Variants in FAM222B observed in about 807,000 individuals in gnomAD.
FAM222B encodes protein FAM222B.
A neutral mutation model predicts 38.0 loss-of-function variants in FAM222B; 12 were observed. The observed-to-expected ratio is 0.32, with a 90% CI of 0.20 to 0.51. The LOEUF (loss-of-function observed/expected upper bound fraction) is 0.51, where lower values mean the gene tolerates loss of function less well. FAM222B is among the 20% of genes least tolerant of loss of function. FAM222B has a pLI of 0.97. For synonymous variants in FAM222B, 329 were observed against 317.2 expected (o/e 1.04, Z -0.40); for missense variants, 716 against 754.2 (o/e 0.95, Z 0.59).
intron 1 of FAM222B, among the ~76,000 whole-genome samples, chr17:28,787,258 C>A (rs1404577705): frequency 1.3e-5 from 2 of 152,086 alleles, no homozygotes; most frequent in African/African-American, 4.8e-5. Flanking sequence ...TTATCTAGGG[C>A]TAGTTTCCCA....
Position 28,759,311 on chromosome 17 carries a change from G to A in FAM222B, c.648C>T (p.His216=). 6.2e-7 allele frequency: 1 copy of A among 1,611,800 alleles called. No individual in the cohort carries two copies. The highest frequency in any genetic ancestry group is 1.1e-5 in the South Asian group (1 of 90,666). ...GATTGTGGGGGTGCTGGAGACCCTGGTGAGCCAGGGCCTGAGGGTGGACCA... is the reference window on the plus strand; with the variant it reads ...GATTGTGGGGGTGCTGGAGACCCTGATGAGCCAGGGCCTGAGGGTGGACCA... The part of the protein sequence containing the change: ...QGLVHPQALA[H]QGLQHPHNPL... Residue 216 remains histidine, a synonymous_variant, in exon 3 of 3, where the codon CAC becomes CAT. Coordinates refer to ENST00000581407, the MANE Select transcript of FAM222B (RefSeq NM_001077498.3). This position sits in a 1 kb window ranked among gnomAD's most constrained non-coding sequence, Gnocchi z 4.8.
intron 1 of FAM222B, among the ~76,000 whole-genome samples, chr17:28,771,434 C>G (rs2035627208): frequency 6.6e-6 from 1 of 152,180 alleles, no homozygotes; most frequent in Non-Finnish European, 1.5e-5. Context: ...GTAATCCCAG[C>G]ACTTTGGGAG....
At chr17:28,787,192 G>A (rs1007025968) in intron 1 of FAM222B, among the ~76,000 whole-genome samples, 2 of 152,064 alleles carry the variant, frequency 1.3e-5, no homozygotes, top group Non-Finnish European at 2.9e-5. Flanking sequence ...CCAAAGTGCT[G>A]GGATTACAGG....
chr17:28,823,875 A>ATTTTT (rs367743538), intron 1 of FAM222B, among the ~76,000 whole-genome samples: 2 of 134,074 alleles, frequency 1.5e-5, no homozygotes, highest in East Asian at 2.2e-4. Context: ...CCAAAAGAGA[A>ATTTTT]TTTTTTTTTT....
chr17:28,774,637 T>C lies in FAM222B; in HGVS notation c.-40-7930A>G, dbSNP rs144679873. 3.1e-3 allele frequency among the ~76,000 whole-genome samples: 478 copies of C among 152,300 alleles called. 2 individuals carry two copies. Among genetic ancestry groups the C allele is most frequent in the Middle Eastern group, 6.8e-3 (2 of 294 alleles). On this transcript the variant is annotated intron_variant, in intron 1 of 2. Coordinates refer to ENST00000581407, the MANE Select transcript of FAM222B (RefSeq NM_001077498.3). ...ACCAGAAGAGGTTTTATTAGAGTTC[T>C]GATGTCACACTCTCTGCTTTCCTGG...
rs1241459940 is a variant in FAM222B, at chr17:28,758,719, G to A, written c.1240C>T (p.Leu414Phe). 5 of 1,588,888 alleles carry A rather than the reference G, an allele frequency of 3.1e-6. No individual in the cohort carries two copies. The highest frequency in any genetic ancestry group is 4.3e-6 in the Non-Finnish European group (5 of 1,165,584). ...VGKAPAYPQELCLAQSFHLKP... is the reference protein window; with the variant it reads ...VGKAPAYPQEFCLAQSFHLKP... ...AGATGGAAGGACTGCGCCAGGCAGA[G>A]TTCCTGCGGGTAGGCAGGGGCCTTG... The change falls in exon 3 of 3, where the codon CTC becomes TTC. Residue 414 changes from leucine to phenylalanine, a missense_variant. Coordinates refer to ENST00000581407, the MANE Select transcript of FAM222B (RefSeq NM_001077498.3).
Position 28,758,653 on chromosome 17 carries a change from T to C in FAM222B, c.1306A>G (p.Asn436Asp), listed in dbSNP as rs1339163316. The C allele has an allele frequency of 6.2e-7, 1 of 1,610,322 alleles. No individual in the cohort carries two copies. The highest frequency in any genetic ancestry group is 8.5e-7 in the Non-Finnish European group (1 of 1,178,154). ...LEKPTPSPPV[N>D]GMAAPLAYPN... ...TAGGCCAATGGGGCTGCCATGCCGTTGACTGGTGGGGATGGGGTCGGCTTT... is the reference window on the plus strand; with the variant it reads ...TAGGCCAATGGGGCTGCCATGCCGTCGACTGGTGGGGATGGGGTCGGCTTT... Residue 436 changes from asparagine (N) to aspartate (D), a missense_variant, in exon 3 of 3, where the codon AAC becomes GAC. Transcript: ENST00000581407.
chr17:28,822,729 G>A (rs12603632), intron 1 of FAM222B, among the ~76,000 whole-genome samples: 59,371 of 141,118 alleles, frequency 0.42, 15,216 homozygotes, highest in East Asian at 0.59. Context: ...TTAAAACCCA[G>A]GAGGTGGAGA....
intron 1 of FAM222B, chr17:28,849,735 A>G (rs1313495304): frequency 6.6e-6 from 1 of 151,466 alleles, no homozygotes. Flanking sequence ...TCAAGCTACC[A>G]CTCTCTCCTC....
At chr17:28,801,317 G>A (rs1177973541) in intron 1 of FAM222B, among the ~76,000 whole-genome samples, 1 of 151,680 alleles carries the variant, frequency 6.6e-6, no homozygotes, top group Non-Finnish European at 1.5e-5. Context: ...GCCGGGCGAT[G>A]TGGCGGGCGC....
Position 28,785,934 on chromosome 17 carries a change from T to C in FAM222B, c.-40-19227A>G, listed in dbSNP as rs528883481. ...CATGTTAGCCAGGATGGTCTCGATC[T>C]CCTCTCCGCCTGCCTTGGCCTCCCA... On this transcript the variant is annotated intron_variant, in intron 1 of 2. Coordinates refer to ENST00000581407, the MANE Select transcript of FAM222B (RefSeq NM_001077498.3). Among the ~76,000 whole-genome samples the C allele has an allele frequency of 1.2e-4, 18 of 152,148 alleles. No homozygotes were observed. In the East Asian group the frequency reaches 3.5e-3, roughly 29 times the overall value.
In FAM222B at chr17:28,823,362, A is replaced by ATTT. The variant is rs35057595; in HGVS notation, c.-41+19317_-41+19319dup. Among the ~76,000 whole-genome samples, 233 of 139,676 alleles carry ATTT rather than the reference A, an allele frequency of 1.7e-3. 2 individuals carry two copies. Among genetic ancestry groups the ATTT allele is most frequent in the Middle Eastern group, 3.8e-3 (1 of 266 alleles). 91.6% of individuals were successfully genotyped at this position (139,676 alleles called of 152,430 possible). On this transcript the variant is annotated intron_variant, in intron 1 of 2. Transcript: ENST00000581407. ...TCAACAGAGCTCACCACTCCGTTCT[A>ATTT]TTTTTTTTTTTTTTTTGAGAAAGTG...
chr17:28,759,510 T>C lies in FAM222B; in HGVS notation c.449A>G (p.Gln150Arg). Reference protein sequence around the residue: ...APSTLAHPQAQALARQQALQH... With the variant: ...APSTLAHPQARALARQQALQH... The stretch of plus-strand genomic sequence containing the variant: ...CAGGGCCTGCTGGCGGGCCAGAGCC[T>C]GGGCCTGGGGGTGGGCTAAAGTGCT... The change falls in exon 3 of 3, where the codon CAG becomes CGG. Residue 150 changes from glutamine (Q) to arginine (R), a missense_variant. Physicochemically the swap from Gln to Arg is conservative, Grantham distance 43. Transcript: ENST00000581407. The surrounding 1 kb of genome is among the most constrained non-coding windows in gnomAD (Gnocchi z 4.8). 7.1e-7 allele frequency: 1 copy of C among 1,400,690 alleles called. No homozygotes were observed. Among genetic ancestry groups the C allele is most frequent in the Non-Finnish European group, 9.4e-7 (1 of 1,058,866 alleles). The allele number at this position is 1,400,690 out of a possible 1,614,324, so 86.8% of individuals were successfully genotyped here. A position where few individuals can be genotyped will look rare whatever the true frequency, so the allele number is the denominator to read the frequency against.
rs751588807 is a variant in FAM222B at position 28,757,622 on chromosome 17, A to T, written c.*648T>A. On this transcript the variant is annotated 3_prime_UTR_variant, in exon 3 of 3. Transcript: ENST00000581407. ...GCCAATACAAAGACTTTTTCCCCCC[A>T]TATCTCAAGAAATGGTCAAATACTT... is the stretch of plus-strand genomic sequence containing the variant. 6.6e-6 allele frequency: 1 copy of T among 152,168 alleles called. No individual in the cohort carries two copies. Among genetic ancestry groups the T allele is most frequent in the Non-Finnish European group, 1.5e-5 (1 of 68,032 alleles). 9.4% of individuals were successfully genotyped at this position (152,168 alleles called of 1,614,324 possible).
At chr17:28,822,887 A>G (rs1363418028) in intron 1 of FAM222B, among the ~76,000 whole-genome samples, 1 of 135,534 alleles carries the variant, frequency 7.4e-6, no homozygotes, top group African/African-American at 2.8e-5. Context: ...ATATATACAC[A>G]CACACATATA....
At chr17:28,793,911 A>G (rs760958838) in intron 1 of FAM222B, among the ~76,000 whole-genome samples, 4 of 151,844 alleles carry the variant, frequency 2.6e-5, no homozygotes, top group Non-Finnish European at 5.9e-5. Context: ...ACGCCAGGCT[A>G]ATTTTTTTTG....
intron 1 of FAM222B, among the ~76,000 whole-genome samples, chr17:28,838,914 A>T (rs1369395304): frequency 6.6e-6 from 1 of 151,866 alleles, no homozygotes; most frequent in Non-Finnish European, 1.5e-5. Context: ...ATCAAAAAAA[A>T]TAAAATAAGG....
intron 2 of FAM222B, among the ~76,000 whole-genome samples, chr17:28,764,397 G>C (rs975713661): frequency 6.6e-6 from 1 of 150,666 alleles, no homozygotes; most frequent in Non-Finnish European, 1.5e-5. Flanking sequence ...AGCCGAGATC[G>C]TGCCACTGCA....
chr17:28,778,318 C>T (rs1567817996), intron 1 of FAM222B, among the ~76,000 whole-genome samples: 1 of 151,922 alleles, frequency 6.6e-6, no homozygotes, highest in Non-Finnish European at 1.5e-5. Context: ...CACTGTTCAG[C>T]TCCCACTTAT....
Sources: gnomAD v4.1 joint callset for allele counts (sites outside exome capture counted in the v4.1 genomes callset) on GRCh38, gnomAD v4.1.1 for gene constraint, Gnocchi (gnomAD v3.1) non-coding constraint, MANE v1.5 for transcripts, NCBI Gene and HGNC (gene_info 2026-07-23, HGNC 2026-07-21) for gene names.